Variants in BRINP1 observed in about 807,000 individuals in gnomAD.
BRINP1 encodes BMP/retinoic acid-inducible neural-specific protein 1.
In BRINP1, 17 loss-of-function variants were observed where a neutral mutation model predicts 72.9. The observed-to-expected ratio is 0.23, with a 90% CI of 0.16 to 0.35. The LOEUF (loss-of-function observed/expected upper bound fraction) is 0.35, where lower values mean the gene tolerates loss of function less well. BRINP1 is among the 10% of genes least tolerant of loss of function. The probability of loss-of-function intolerance (pLI) is 1.00; values close to 1 mark genes in which losing one functional copy is unlikely to be tolerated. For synonymous variants in BRINP1, 418 were observed against 378.5 expected (o/e 1.10, Z -1.21); for missense variants, 850 against 1,001.6 (o/e 0.85, Z 2.04).
At chr9:119,358,141 A>T (rs1035667285) in intron 1 of BRINP1, among the ~76,000 whole-genome samples, 8 of 152,208 alleles carry the variant, frequency 5.3e-5, no homozygotes, top group Admixed American at 2.6e-4. Context: ...ATGTGACAAC[A>T]TGCAAACACC....
chr9:119,301,230 C>G (rs1830934900), intron 2 of BRINP1, among the ~76,000 whole-genome samples: 1 of 152,138 alleles, frequency 6.6e-6, no homozygotes, highest in South Asian at 2.1e-4. Flanking sequence ...ATGAAAAGCA[C>G]CATCACCCAC....
chr9:119,368,000 C>T (rs1306341729), intron 1 of BRINP1, among the ~76,000 whole-genome samples: 1 of 152,190 alleles, frequency 6.6e-6, no homozygotes, highest in Non-Finnish European at 1.5e-5. Context: ...TAGGAAAGTG[C>T]CCCATCCATC....
chr9:119,218,919 A>G (rs531242649), intron 5 of BRINP1, among the ~76,000 whole-genome samples: 4 of 152,036 alleles, frequency 2.6e-5, no homozygotes, highest in African/African-American at 7.2e-5. Flanking sequence ...TTGCAATGCC[A>G]TGGTATAAGA....
chr9:119,170,649 T>C (rs1231558), intron 7 of BRINP1, among the ~76,000 whole-genome samples: 18,054 of 123,544 alleles, frequency 0.15, 989 homozygotes, highest in Middle Eastern at 0.22. Context: ...AGATACTCCT[T>C]GAGAAGAGCA....
At chr9:119,356,555 C>A (rs1453573761) in intron 1 of BRINP1, among the ~76,000 whole-genome samples, 1 of 152,114 alleles carries the variant, frequency 6.6e-6, no homozygotes, top group South Asian at 2.1e-4. Context: ...GTAATCCTAG[C>A]ACTTTGGGAG....
intron 6 of BRINP1, among the ~76,000 whole-genome samples, chr9:119,211,785 G>A (rs1475885779): frequency 6.6e-6 from 1 of 152,198 alleles, no homozygotes; most frequent in African/African-American, 2.4e-5. Flanking sequence ...TTCAAATAGA[G>A]AAGCACAGGA....
intron 2 of BRINP1, among the ~76,000 whole-genome samples, chr9:119,310,153 A>G (rs968505191): frequency 6.6e-6 from 1 of 152,204 alleles, no homozygotes; most frequent in African/African-American, 2.4e-5. Context: ...TATTTTACAG[A>G]TGAAGAACCA....
chr9:119,240,872 G>T (rs536830280), intron 4 of BRINP1, among the ~76,000 whole-genome samples: 2 of 152,222 alleles, frequency 1.3e-5, no homozygotes, highest in South Asian at 4.2e-4. Flanking sequence ...TTAATATAAG[G>T]CTAGGTCTGC....
At chr9:119,204,231 A>G in intron 7 of BRINP1, among the ~76,000 whole-genome samples, 1 of 152,178 alleles carries the variant, frequency 6.6e-6, no homozygotes, top group East Asian at 1.9e-4. Flanking sequence ...AACTAGAGAT[A>G]TCCTCAGCTG....
At chr9:119,172,965 A>G (rs1201604707) in intron 7 of BRINP1, among the ~76,000 whole-genome samples, 1 of 150,596 alleles carries the variant, frequency 6.6e-6, no homozygotes, top group Non-Finnish European at 1.5e-5. Flanking sequence ...TAAATTAGGT[A>G]TTGATGGGAC....
intron 2 of BRINP1, among the ~76,000 whole-genome samples, chr9:119,292,030 A>T (rs1471466383): frequency 6.6e-6 from 1 of 152,216 alleles, no homozygotes; most frequent in Non-Finnish European, 1.5e-5. Flanking sequence ...ACTCAATGAG[A>T]GTTAATTTTC....
intron 2 of BRINP1, among the ~76,000 whole-genome samples, chr9:119,268,247 AATAG>A (rs61056780): frequency 0.33 from 31,340 of 95,326 alleles, 4,582 homozygotes; most frequent in African/African-American, 0.46. Flanking sequence ...TGTCTCAATA[AATAG>A]ATAGATAGAT....
At chr9:119,201,160 G>C (rs963636295) in intron 7 of BRINP1, among the ~76,000 whole-genome samples, 11 of 152,204 alleles carry the variant, frequency 7.2e-5, no homozygotes, top group African/African-American at 2.4e-4. Flanking sequence ...ATGGAACATA[G>C]ATTGGAAAGT....
intron 5 of BRINP1, among the ~76,000 whole-genome samples, chr9:119,231,393 G>T (rs1195165332): frequency 6.6e-6 from 1 of 151,974 alleles, no homozygotes; most frequent in Non-Finnish European, 1.5e-5. Flanking sequence ...CATTTTTGCA[G>T]TATCAATTTT....
chr9:119,266,544 T>G (rs1564233279), intron 2 of BRINP1, among the ~76,000 whole-genome samples: 4 of 152,194 alleles, frequency 2.6e-5, no homozygotes, highest in Admixed American at 6.5e-5. Flanking sequence ...TTAGCAGTAT[T>G]AAAATGTACA....
At chr9:119,221,148 T>A (rs1177853002) in intron 5 of BRINP1, among the ~76,000 whole-genome samples, 1 of 152,166 alleles carries the variant, frequency 6.6e-6, no homozygotes, top group African/African-American at 2.4e-5. Context: ...TGTTCTTGTA[T>A]CAGAATGTGC....
At chr9:119,240,631 G>A (rs778275297) in intron 4 of BRINP1, among the ~76,000 whole-genome samples, 4 of 152,172 alleles carry the variant, frequency 2.6e-5, no homozygotes, top group Non-Finnish European at 5.9e-5. Context: ...TCTGTGCTGA[G>A]TTCCCTAACA....
At chr9:119,367,157 C>T (rs1831700293) in intron 1 of BRINP1, among the ~76,000 whole-genome samples, 1 of 142,828 alleles carries the variant, frequency 7.0e-6, no homozygotes, top group South Asian at 2.3e-4. Context: ...CCTACAAATA[C>T]ATGTTTGCTT....
intron 7 of BRINP1, among the ~76,000 whole-genome samples, chr9:119,180,416 G>GC (rs1312215363): frequency 2.0e-5 from 3 of 151,804 alleles, no homozygotes; most frequent in Non-Finnish European, 4.4e-5. Flanking sequence ...ACAAACAGTT[G>GC]TTTTTTTAGG....
Sources: gnomAD v4.1 joint callset for allele counts (sites outside exome capture counted in the v4.1 genomes callset) on GRCh38, gnomAD v4.1.1 for gene constraint, MANE v1.5 for transcripts, NCBI Gene and HGNC (gene_info 2026-07-23, HGNC 2026-07-21) for gene names.